The following DNAH3 variants were observed in gnomAD, a reference collection of about 807,000 sequenced individuals.
DNAH3 encodes the protein axonemal beta dynein heavy chain 3.
A neutral mutation model predicts 432.5 loss-of-function variants in DNAH3; 332 were observed. The observed-to-expected ratio is 0.77, with a 90% CI of 0.70 to 0.84. The LOEUF is 0.84. Ranked by LOEUF, DNAH3 falls within the 40% of genes least tolerant of loss-of-function variation. DNAH3 has a pLI of 0.00. For synonymous variants in DNAH3, 1,956 were observed against 1,900.2 expected, an observed-to-expected ratio of 1.03 and a Z score of -0.76; for missense variants, 4,861 against 5,114.0, an observed-to-expected ratio of 0.95 and a Z score of 1.51.
intron 59 of DNAH3, among the ~76,000 whole-genome samples, chr16:20,938,694 GA>G (rs1190756620): frequency 2.3e-5 from 3 of 132,102 alleles, no homozygotes; most frequent in Admixed American, 2.2e-4. Flanking sequence ...AAAAGGGAAA[GA>G]AAAAAAATAG....
intron 7 of DNAH3, among the ~76,000 whole-genome samples, chr16:21,129,685 C>T (rs1295001056): frequency 1.3e-5 from 2 of 151,828 alleles, no homozygotes; most frequent in East Asian, 1.9e-4. Flanking sequence ...TGCAGTGAGT[C>T]GAGACCGCAC....
chr16:21,047,171 G>A (rs1249617624), intron 31 of DNAH3, among the ~76,000 whole-genome samples: 6 of 148,128 alleles, frequency 4.1e-5, no homozygotes, highest in Admixed American at 6.8e-5. Flanking sequence ...TGCTCTTCTC[G>A]AGGAGTATCT....
chr16:21,152,988 C>T (rs1461345136), intron 1 of DNAH3, among the ~76,000 whole-genome samples: 6 of 152,216 alleles, frequency 3.9e-5, no homozygotes, highest in African/African-American at 1.2e-4. Flanking sequence ...TGCGGGCCCA[C>T]GGCGCGGGAC....
At chr16:20,962,457 G>A (rs2084869140) in intron 53 of DNAH3, among the ~76,000 whole-genome samples, 1 of 152,332 alleles carries the variant, frequency 6.6e-6, no homozygotes. Flanking sequence ...GTCACATCAG[G>A]TGAAAAGCTG....
chr16:21,027,062 G>C (rs374964444), exon 38 of DNAH3: 1 of 1,613,610 alleles, frequency 6.2e-7, no homozygotes, highest in Non-Finnish European at 8.5e-7. Flanking sequence ...GCTCGAGGTC[G>C]GCGGGCTCGA....
chr16:20,998,243 GT>G (rs943035034), intron 43 of DNAH3, among the ~76,000 whole-genome samples: 1 of 152,062 alleles, frequency 6.6e-6, no homozygotes, highest in Non-Finnish European at 1.5e-5. Flanking sequence ...TTGAGCTGGA[GT>G]TTTTTGTTTG....
chr16:20,950,590 A>G (rs2084267489), intron 56 of DNAH3, among the ~76,000 whole-genome samples: 1 of 152,192 alleles, frequency 6.6e-6, no homozygotes, highest in African/African-American at 2.4e-5. Context: ...TGCATTAATC[A>G]CAGGTATACA....
chr16:21,125,136 A>C (rs1362348850), intron 9 of DNAH3, 39 bp downstream of exon 10: 1 of 1,518,206 alleles, frequency 6.6e-7, no homozygotes, highest in Admixed American at 1.9e-5. Context: ...TAACCAGGTT[A>C]TTCCCCTCAA....
intron 40 of DNAH3, among the ~76,000 whole-genome samples, chr16:21,020,091 G>A (rs1398734772): frequency 6.7e-6 from 1 of 149,900 alleles, no homozygotes; most frequent in Admixed American, 6.7e-5. Flanking sequence ...TGCAGTCACA[G>A]CTCACTGTAG....
At chr16:21,099,997 T>C (rs1273538352) in intron 16 of DNAH3, among the ~76,000 whole-genome samples, 1 of 152,218 alleles carries the variant, frequency 6.6e-6, no homozygotes, top group Non-Finnish European at 1.5e-5. Context: ...ATAAATTTGG[T>C]TATCCTAAGA....
chr16:20,977,136 A>ATTACACCTC (rs1312884844), intron 50 of DNAH3, among the ~76,000 whole-genome samples: 8 of 152,204 alleles, frequency 5.3e-5, no homozygotes, highest in African/African-American at 1.9e-4. Context: ...GCACTTTGGG[A>ATTACACCTC]GGCTGAGGTG....
intron 25 of DNAH3, 71 bp from the exon 26 acceptor site, chr16:21,060,427 C>T (rs2090305350): frequency 8.5e-7 from 1 of 1,175,248 alleles, no homozygotes; most frequent in Non-Finnish European, 1.3e-6. Context: ...GGGCAGAACA[C>T]AGCTTTCTCT....
intron 12 of DNAH3, among the ~76,000 whole-genome samples, chr16:21,112,976 C>G (rs1326563148): frequency 6.6e-6 from 1 of 152,134 alleles, no homozygotes; most frequent in African/African-American, 2.4e-5. Context: ...AAGTAACTAA[C>G]TTGCTTTTGA....
chr16:21,148,219 AC>A (rs1217918330), intron 1 of DNAH3, among the ~76,000 whole-genome samples: 2 of 152,072 alleles, frequency 1.3e-5, no homozygotes, highest in Non-Finnish European at 2.9e-5. Flanking sequence ...CGGAGCACCT[AC>A]CTCATTAAAT....
intron 12 of DNAH3, among the ~76,000 whole-genome samples, chr16:21,113,176 C>T (rs2092112516): frequency 6.6e-6 from 1 of 152,096 alleles, no homozygotes; most frequent in South Asian, 2.1e-4. Flanking sequence ...GCTGTGTCTC[C>T]ACCAAATCTC....
intron 44 of DNAH3, among the ~76,000 whole-genome samples, chr16:20,994,140 T>TA (rs1371999465): frequency 1.3e-5 from 2 of 152,078 alleles, no homozygotes; most frequent in African/African-American, 2.4e-5. Flanking sequence ...ATTTCTTTTT[T>TA]AAAAAATGGC....
At position 21,036,860 on chromosome 16, in the gene DNAH3, A is replaced by C; in HGVS notation, c.4951-12T>G. The C allele has an allele frequency of 6.3e-7, 1 of 1,599,058 alleles. No individual in the cohort carries two copies. The highest frequency in any genetic ancestry group is 8.6e-7 in the Non-Finnish European group (1 of 1,168,882). On this transcript the variant is annotated splice_polypyrimidine_tract_variant and intron_variant, in intron 34 of 61. Coordinates refer to ENST00000261383, the Ensembl canonical transcript of DNAH3. ...TCAGATATAATTCCCTGTTAAAAAG[A>C]ATTTAAAAGAAAGTGGAAAGGATAA...
intron 7 of DNAH3, among the ~76,000 whole-genome samples, chr16:21,131,612 G>A (rs2092563146): frequency 6.6e-6 from 1 of 152,062 alleles, no homozygotes; most frequent in African/African-American, 2.4e-5. Flanking sequence ...CACTTTGGGA[G>A]GCTGAGGCAG....
chr16:21,019,988 G>C, intron 40 of DNAH3, 119 bp from the exon 41 acceptor site: 2 of 1,117,898 alleles, frequency 1.8e-6, no homozygotes, highest in Non-Finnish European at 2.6e-6. Flanking sequence ...GATATTGGCA[G>C]AGTGCCTATC....
Sources: gnomAD v4.1 joint callset for allele counts (sites outside exome capture counted in the v4.1 genomes callset) on GRCh38, gnomAD v4.1.1 for gene constraint, MANE v1.5 for transcripts, NCBI Gene and HGNC (gene_info 2026-07-23, HGNC 2026-07-21) for gene names.